USH2A: variants seen among roughly 807,000 people sequenced by gnomAD.
USH2A encodes Usher syndrome 2A (autosomal recessive, mild).
A neutral mutation model predicts 538.9 loss-of-function variants in USH2A; 443 were observed. The observed-to-expected ratio is 0.82, with a 90% CI of 0.76 to 0.89. The LOEUF (loss-of-function observed/expected upper bound fraction) is 0.89. Among genes scored for constraint, USH2A ranks in the 40% least tolerant of loss-of-function variants. The pLI, the probability that USH2A is intolerant of heterozygous loss-of-function variation, is 0.00. For missense variants in USH2A, 6,633 were observed against 6,324.8 expected (o/e 1.05, Z -1.65); for synonymous variants, 2,413 against 2,273.5 (o/e 1.06, Z -1.75).
intron 34 of USH2A, among the ~76,000 whole-genome samples, chr1:215,998,557 C>A (rs566805931): frequency 6.6e-5 from 10 of 152,118 alleles, no homozygotes; most frequent in African/African-American, 2.2e-4. Flanking sequence ...GGGAAATAAC[C>A]TTATGAATCC....
intron 44 of USH2A, among the ~76,000 whole-genome samples, chr1:215,865,563 G>C (rs1452369425): frequency 2.6e-5 from 4 of 152,178 alleles, no homozygotes; most frequent in South Asian, 4.1e-4. Context: ...GTGGAGTAGA[G>C]AGCAAGAGGG....
Position 216,417,240 on chromosome 1 carries a change from G to A in USH2A, c.651+1274C>T, listed in dbSNP as rs190078690. Among the ~76,000 whole-genome samples the A allele has an allele frequency of 1.0e-3, 150 of 149,530 alleles. 1 individual carries two copies. Among genetic ancestry groups the A allele is most frequent in the Middle Eastern group, 3.4e-3 (1 of 292 alleles). ...ACAATTATCAAGACCCTCTGAGGAC[G>A]CACACTCATTATCTGCTTCAAGATT... On this transcript the variant is annotated intron_variant, in intron 3 of 71. Coordinates refer to ENST00000307340, the MANE Select transcript of USH2A (RefSeq NM_206933.4).
intron 21 of USH2A, among the ~76,000 whole-genome samples, chr1:216,113,343 C>T (rs2032922198): frequency 6.6e-6 from 1 of 151,990 alleles, no homozygotes; most frequent in Admixed American, 6.6e-5. Flanking sequence ...CATCTAACCG[C>T]CTTTTCATTT....
intron 3 of USH2A, among the ~76,000 whole-genome samples, chr1:216,413,528 T>A (rs961192284): frequency 6.6e-6 from 1 of 152,118 alleles, no homozygotes; most frequent in Non-Finnish European, 1.5e-5. Context: ...ATAGTTTTTC[T>A]TTCTTAGATT....
At chr1:216,296,570 T>C (rs1200863740) in intron 9 of USH2A, among the ~76,000 whole-genome samples, 1 of 152,088 alleles carries the variant, frequency 6.6e-6, no homozygotes, top group Non-Finnish European at 1.5e-5. Flanking sequence ...GATATTAATG[T>C]CCAAAGAAAG....
intron 4 of USH2A, among the ~76,000 whole-genome samples, chr1:216,340,155 G>A (rs1436099314): frequency 6.6e-6 from 1 of 151,740 alleles, no homozygotes; most frequent in Admixed American, 6.6e-5. Context: ...AATGACAAAG[G>A]GGATAACACC....
intron 49 of USH2A, among the ~76,000 whole-genome samples, chr1:215,804,441 AAAAC>A (rs1662433777): frequency 6.6e-6 from 1 of 152,130 alleles, no homozygotes. Context: ...TTTACAAGAA[AAAAC>A]AAACAACCCC....
chr1:216,345,703 A>T (rs2038162194), intron 4 of USH2A, among the ~76,000 whole-genome samples: 1 of 152,084 alleles, frequency 6.6e-6, no homozygotes, highest in African/African-American at 2.4e-5. Flanking sequence ...AAAGAGGGGT[A>T]CCTTAGGATA....
chr1:215,665,718 C>A (rs1657585574), intron 64 of USH2A, among the ~76,000 whole-genome samples: 1 of 152,162 alleles, frequency 6.6e-6, no homozygotes, highest in Non-Finnish European at 1.5e-5. Flanking sequence ...GTTCACACTG[C>A]ATGTATTAGA....
intron 21 of USH2A, among the ~76,000 whole-genome samples, chr1:216,144,839 TCC>T (rs2102614142): frequency 1.3e-5 from 2 of 152,264 alleles, no homozygotes; most frequent in South Asian, 4.1e-4. Flanking sequence ...TAACCCTGAG[TCC>T]CTTAGTCCAT....
Position 215,671,173 on chromosome 1 carries a change from C to T in USH2A, c.13932G>A (p.Met4644Ile). 1 of 1,614,076 alleles carries T rather than the reference C, an allele frequency of 6.2e-7. No homozygotes were observed. Among genetic ancestry groups the T allele is most frequent in the Non-Finnish European group, 8.5e-7 (1 of 1,180,008 alleles). The stretch of plus-strand genomic sequence containing the variant: ...CAGTTGGCTGGAATCCTCCTGGAGC[C>T]ATTTGTACCTCCAGATGTGGAGGGG... ...MQPPPHLEVQ[M>I]APGGFQPTVS... Residue 4644 changes from methionine (M) to isoleucine (I), a missense_variant, in exon 64 of 72, where the codon ATG (methionine) becomes ATA (isoleucine). By Grantham distance (10) the Met-to-Ile change is conservative. Transcript: ENST00000307340.
chr1:215,680,041 A>T, intron 62 of USH2A, 108 bp downstream of exon 62: 2 of 1,112,616 alleles, frequency 1.8e-6, no homozygotes, highest in Non-Finnish European at 2.7e-6. Context: ...AAGGAGAATT[A>T]AACAGGCTGT....
chr1:215,667,837 G>GT (rs763858603), intron 64 of USH2A, among the ~76,000 whole-genome samples: 44 of 152,128 alleles, frequency 2.9e-4, no homozygotes, highest in Non-Finnish European at 4.6e-4. Flanking sequence ...AGTGAAAACT[G>GT]TCTTGTTCTT....
At position 216,089,133 on chromosome 1, in the gene USH2A, G is replaced by T; in HGVS notation, c.4765C>A (p.Pro1589Thr). 1 of 1,612,464 alleles carries T rather than the reference G, an allele frequency of 6.2e-7. No individual in the cohort carries two copies. Among genetic ancestry groups the T allele is most frequent in the Non-Finnish European group, 8.5e-7 (1 of 1,178,922 alleles). ...TCATTAGTTGTAGTTACTTCCACTG[G>T]TGACCCCTTAAGGGAATGAATGAAT... Reference protein sequence around the residue: ...LYFLFDPQGSPVEVTTTNDHG... With the variant: ...LYFLFDPQGSTVEVTTTNDHG... The change falls in exon 23 of 72, where the codon CCA (proline) becomes ACA (threonine). Residue 1589 changes from proline to threonine, a missense_variant. Coordinates refer to ENST00000307340, the MANE Select transcript of USH2A (RefSeq NM_206933.4).
intron 43 of USH2A, 104 bp from the exon 44 acceptor site, chr1:215,867,274 C>T (rs1664499758): frequency 7.9e-7 from 1 of 1,265,472 alleles, no homozygotes; most frequent in Non-Finnish European, 1.1e-6. Flanking sequence ...TTCCTTCCAC[C>T]CCTCTACAAA....
chr1:215,625,618 C>T lies in USH2A; in HGVS notation c.*163G>A, dbSNP rs952874507. 6 of 689,106 alleles carry T rather than the reference C, an allele frequency of 8.7e-6. No homozygotes were observed. The highest frequency in any genetic ancestry group is 7.2e-5 in the African/African-American group (4 of 55,822). The allele number at this position is 689,106 out of a possible 1,614,324, so 42.7% of individuals were successfully genotyped here. A position where few individuals can be genotyped will look rare whatever the true frequency, so the allele number is the denominator to read the frequency against. The stretch of plus-strand genomic sequence containing the variant: ...ATGAGAAAAATATCATTTCTTAGAC[C>T]TCTATTAGGAAGGAACACTTTCAAA... On this transcript the variant is annotated 3_prime_UTR_variant, in exon 72 of 72. Coordinates refer to ENST00000307340, the MANE Select transcript of USH2A (RefSeq NM_206933.4).
At chr1:216,252,406 T>C (rs2036179928) in intron 11 of USH2A, among the ~76,000 whole-genome samples, 1 of 152,200 alleles carries the variant, frequency 6.6e-6, no homozygotes, top group Admixed American at 6.5e-5. Context: ...GGAAGTAACC[T>C]ACATGTGGAA....
chr1:215,985,988 A>T (rs781090680), intron 35 of USH2A, among the ~76,000 whole-genome samples: 15 of 152,334 alleles, frequency 9.8e-5, no homozygotes, highest in Non-Finnish European at 1.6e-4. Context: ...TTCACATATA[A>T]ATTCTCACAA....
chr1:215,798,987 T>G lies in USH2A; in HGVS notation c.9878A>C (p.Lys3293Thr). 1 of 1,614,128 alleles carries G rather than the reference T, an allele frequency of 6.2e-7. No individual in the cohort carries two copies. The highest frequency in any genetic ancestry group is 1.3e-5 in the African/African-American group (1 of 75,064). The stretch of plus-strand genomic sequence containing the variant: ...GCTCACAATCTGTCTGCCACAGCAC[T>G]TCTGGCCATGGCCATCATGAAGCCT... The part of the protein sequence containing the change: ...AGRLHDGHGQ[K>T]CCGRQIVSND... Residue 3293 changes from lysine (K) to threonine (T), a missense_variant, in exon 50 of 72, where the codon AAG (lysine) becomes ACG (threonine). By Grantham distance (78) the Lys-to-Thr change is moderately conservative. Coordinates refer to ENST00000307340, the MANE Select transcript of USH2A (RefSeq NM_206933.4).
Sources: gnomAD v4.1 joint callset for allele counts (sites outside exome capture counted in the v4.1 genomes callset) on GRCh38, gnomAD v4.1.1 for gene constraint, MANE v1.5 for transcripts, NCBI Gene and HGNC (gene_info 2026-07-23, HGNC 2026-07-21) for gene names.